Variants in USH2A observed in about 807,000 individuals in gnomAD.
USH2A encodes usherin.
Under a neutral mutation model 538.9 loss-of-function variants are expected in USH2A, and 443 were observed. The ratio of observed to expected loss-of-function variants is 0.82; its 90% CI spans 0.76 to 0.89. The LOEUF (loss-of-function observed/expected upper bound fraction) is 0.89, where lower values mean the gene tolerates loss of function less well. USH2A is among the 40% of genes least tolerant of loss of function. The probability of loss-of-function intolerance (pLI) is 0.00; values close to 1 mark genes in which losing one functional copy is unlikely to be tolerated. For synonymous variants in USH2A, 2,413 were observed against 2,273.5 expected, an observed-to-expected ratio of 1.06 and a Z score of -1.75; for missense variants, 6,633 against 6,324.8, an observed-to-expected ratio of 1.05 and a Z score of -1.65.
chr1:216,005,480 T>C (rs969474642), intron 32 of USH2A, among the ~76,000 whole-genome samples: 2 of 152,206 alleles, frequency 1.3e-5, no homozygotes, highest in African/African-American at 2.4e-5. Flanking sequence ...TCTCCAGGAA[T>C]GGTGTGATGA....
In USH2A at chr1:215,627,421, C is replaced by T. The variant is rs372212633; in HGVS notation, c.15519+1393G>A. Among the ~76,000 whole-genome samples the T allele has an allele frequency of 8.0e-3, 932 of 116,512 alleles. 16 individuals are homozygous for T. Among genetic ancestry groups the T allele is most frequent in the African/African-American group, 0.029 (831 of 28,246 alleles). The allele number at this position is 116,512 out of a possible 152,430, so 76.4% of individuals were successfully genotyped here. ...CCTTCCTTCCTTCCTTCCTTCCTTC[C>T]TTCCTTCCTTCCTTCCTTCCTTCCT... On this transcript the variant is annotated intron_variant, in intron 71 of 71. Transcript: ENST00000307340.
intron 21 of USH2A, among the ~76,000 whole-genome samples, chr1:216,113,931 G>A (rs1469110118): frequency 6.6e-6 from 1 of 151,546 alleles, no homozygotes; most frequent in Admixed American, 6.6e-5. Context: ...GACATGTAAA[G>A]TGAGATAGGG....
At chr1:216,102,799 C>G (rs189849952) in intron 21 of USH2A, among the ~76,000 whole-genome samples, 235 of 149,616 alleles carry the variant, frequency 1.6e-3, no homozygotes, top group Non-Finnish European at 5.4e-4. Context: ...GATTCCGTCT[C>G]AAAAACAAAC....
At chr1:215,925,284 A>C (rs753227653) in intron 38 of USH2A, among the ~76,000 whole-genome samples, 52 of 152,212 alleles carry the variant, frequency 3.4e-4, no homozygotes, top group Middle Eastern at 3.4e-3. Flanking sequence ...GGTTAAATTA[A>C]ATGGCCTGGT....
At chr1:215,743,107 T>G (rs2102727250) in intron 59 of USH2A, 70 bp downstream of exon 59, 1 of 1,559,938 alleles carries the variant, frequency 6.4e-7, no homozygotes, top group African/African-American at 1.4e-5. Flanking sequence ...AATGTATTCC[T>G]TTTTAATGAA....
intron 35 of USH2A, among the ~76,000 whole-genome samples, chr1:215,982,957 A>C (rs1667783545): frequency 6.6e-6 from 1 of 152,040 alleles, no homozygotes; most frequent in African/African-American, 2.4e-5. Context: ...AATTTTATTT[A>C]TTTATTTATT....
intron 15 of USH2A, among the ~76,000 whole-genome samples, chr1:216,216,299 G>A (rs2035340833): frequency 6.6e-6 from 1 of 152,070 alleles, no homozygotes; most frequent in Non-Finnish European, 1.5e-5. Context: ...CTGATGAAAT[G>A]CGGGATGCTG....
chr1:216,295,070 T>G (rs1212489482), intron 9 of USH2A, among the ~76,000 whole-genome samples: 2 of 151,830 alleles, frequency 1.3e-5, no homozygotes, highest in Non-Finnish European at 3.0e-5. Flanking sequence ...ATAGGCATAA[T>G]TATCTTTTTA....
intron 62 of USH2A, among the ~76,000 whole-genome samples, 190 bp downstream of exon 62, chr1:215,679,959 T>G (rs1164304430): frequency 6.6e-6 from 1 of 152,180 alleles, no homozygotes; most frequent in Non-Finnish European, 1.5e-5. Flanking sequence ...AGCTCAGTGT[T>G]GGGTTATAGG....
At chr1:215,625,992 C>T (rs1656010848) in intron 71 of USH2A, 122 bp from the exon 72 acceptor site, 2 of 958,822 alleles carry the variant, frequency 2.1e-6, no homozygotes, top group Non-Finnish European at 3.2e-6. Context: ...TTATTCTCAA[C>T]ACCATGGTGG....
chr1:215,986,597 T>A (rs576036488), intron 35 of USH2A, among the ~76,000 whole-genome samples: 1 of 152,304 alleles, frequency 6.6e-6, no homozygotes, highest in South Asian at 2.1e-4. Context: ...ACCAGGCTGA[T>A]GAAATCTTAA....
At chr1:216,155,879 A>G (rs1481061252) in intron 21 of USH2A, among the ~76,000 whole-genome samples, 1 of 152,212 alleles carries the variant, frequency 6.6e-6, no homozygotes, top group Non-Finnish European at 1.5e-5. Context: ...CATTTTGCAG[A>G]CATTCTATAA....
intron 29 of USH2A, 28 bp downstream of exon 29, chr1:216,072,861 A>G (rs746498819): frequency 2.3e-5 from 37 of 1,579,004 alleles, no homozygotes; most frequent in Non-Finnish European, 3.1e-5. Context: ...GTGTGTGTGC[A>G]CATATGCATT....
chr1:215,767,738 T>TA (rs1661172802), intron 55 of USH2A, among the ~76,000 whole-genome samples: 1 of 152,120 alleles, frequency 6.6e-6, no homozygotes, highest in South Asian at 2.1e-4. Flanking sequence ...GGGGAATCAT[T>TA]ATAGCATCTA....
chr1:216,093,968 C>T (rs1048011831), intron 22 of USH2A, among the ~76,000 whole-genome samples: 4 of 152,172 alleles, frequency 2.6e-5, no homozygotes, highest in Admixed American at 6.5e-5. Flanking sequence ...CAAAATCAAC[C>T]TCAAGGGGCT....
Position 216,196,681 on chromosome 1 carries a change from AAG to A in USH2A, c.4121_4122del (p.Ser1374PhefsTer14), listed in dbSNP as rs2102460635. On this transcript the variant is annotated frameshift_variant, in exon 19 of 72. Coordinates refer to ENST00000307340, the MANE Select transcript of USH2A (RefSeq NM_206933.4). LOFTEE classifies it high-confidence loss of function. ...TCCCAGGAGATATTGAGAGAGTACG[AAG>A]AGAGGGGAAAGACTGAAGGAGGGAT... ...FMIPPSVFPL[S>X]SYSLNISWEK... 2.5e-6 allele frequency: 4 copies of A among 1,613,468 alleles called. No individual in the cohort carries two copies. The highest frequency in any genetic ancestry group is 3.4e-6 in the Non-Finnish European group (4 of 1,179,672).
At chr1:215,765,954 C>T (rs1163398002) in intron 56 of USH2A, among the ~76,000 whole-genome samples, 1 of 152,114 alleles carries the variant, frequency 6.6e-6, no homozygotes, top group Non-Finnish European at 1.5e-5. Context: ...CTGGTGCATG[C>T]CTCCTTGAGC....
chr1:215,883,135 AG>A (rs1664959839), intron 41 of USH2A, among the ~76,000 whole-genome samples: 1 of 152,158 alleles, frequency 6.6e-6, no homozygotes, highest in Non-Finnish European at 1.5e-5. Context: ...ACTTTATGTG[AG>A]GTATGAATGA....
intron 4 of USH2A, among the ~76,000 whole-genome samples, chr1:216,358,257 T>C (rs1012279085): frequency 1.3e-5 from 2 of 152,122 alleles, no homozygotes; most frequent in African/African-American, 2.4e-5. Context: ...TCAAACCTAA[T>C]CAGAGAAAGA....
Sources: gnomAD v4.1 joint callset for allele counts (sites outside exome capture counted in the v4.1 genomes callset) on GRCh38, gnomAD v4.1.1 for gene constraint, MANE v1.5 for transcripts, NCBI Gene and HGNC (gene_info 2026-07-23, HGNC 2026-07-21) for gene names.